The following TPRG1 variants were observed in gnomAD, a reference collection of about 807,000 sequenced individuals.
TPRG1 encodes tumor protein p63 regulated 1.
A neutral mutation model predicts 29.3 loss-of-function variants in TPRG1; 29 were observed. The ratio of observed to expected loss-of-function variants is 0.99; its 90% CI spans 0.74 to 1.35. TPRG1 has a LOEUF of 1.35. TPRG1 is among the 40% of genes most tolerant of loss of function. The pLI is 0.00. For synonymous variants in TPRG1, 130 were observed against 116.8 expected (o/e 1.11, Z -0.73); for missense variants, 327 against 335.0 (o/e 0.98, Z 0.19).
chr3:189,318,084 G>T (rs1307432763), intron 5 of TPRG1, among the ~76,000 whole-genome samples: 1 of 152,174 alleles, frequency 6.6e-6, no homozygotes, highest in African/African-American at 2.4e-5. Flanking sequence ...GTGATTTCAA[G>T]TACTGGGTAT....
rs114362584 is a variant in TPRG1 at position 189,219,833 on chromosome 3, T to C, written c.302+4450T>C. Reference sequence around the variant, plus strand: ...GTATTTAAAAACCGGTAATTCTTGTTCTTCATCTTTATAAAAGATACTTAA... The same window carrying C: ...GTATTTAAAAACCGGTAATTCTTGTCCTTCATCTTTATAAAAGATACTTAA... On this transcript the variant is annotated intron_variant, in intron 3 of 5. Coordinates refer to ENST00000345063, the MANE Select transcript of TPRG1 (RefSeq NM_198485.4). 3.4e-6 allele frequency: 3 copies of C among 873,924 alleles called. No individual in the cohort carries two copies. In the African/African-American group the frequency reaches 5.5e-5, roughly 16 times the overall value. 54.1% of individuals were successfully genotyped at this position (873,924 alleles called of 1,614,324 possible). A position where few individuals can be genotyped will look rare whatever the true frequency, so the allele number is the denominator to read the frequency against.
chr3:189,258,281 G>A (rs1332269335), intron 4 of TPRG1, among the ~76,000 whole-genome samples: 1 of 151,860 alleles, frequency 6.6e-6, no homozygotes, highest in Non-Finnish European at 1.5e-5. Context: ...GTCTCCTGGA[G>A]TTTGCTGGGG....
intron 3 of TPRG1, among the ~76,000 whole-genome samples, chr3:189,023,419 G>T (rs1365280500): frequency 6.6e-6 from 1 of 152,176 alleles, no homozygotes; most frequent in Non-Finnish European, 1.5e-5. Context: ...ATGATTCTTA[G>T]CTTCTTCGCA....
At chr3:189,225,878 T>C (rs1304399460) in intron 3 of TPRG1, among the ~76,000 whole-genome samples, 1 of 151,628 alleles carries the variant, frequency 6.6e-6, no homozygotes, top group Non-Finnish European at 1.5e-5. Context: ...AAATGTAGAG[T>C]GCTAAGTAAA....
At chr3:189,024,676 G>A (rs2152126628) in intron 4 of TPRG1, among the ~76,000 whole-genome samples, 1 of 152,322 alleles carries the variant, frequency 6.6e-6, no homozygotes, top group African/African-American at 2.4e-5. Context: ...TCCCTCCTGG[G>A]CACTCCGTTC....
chr3:189,023,159 C>T (rs1713456985), intron 3 of TPRG1, among the ~76,000 whole-genome samples: 1 of 152,244 alleles, frequency 6.6e-6, no homozygotes, highest in Admixed American at 6.5e-5. Flanking sequence ...CCCGGTACCT[C>T]AGATGGAAAT....
chr3:189,238,285 C>T (rs767446922), intron 3 of TPRG1, among the ~76,000 whole-genome samples: 18 of 152,192 alleles, frequency 1.2e-4, no homozygotes, highest in Non-Finnish European at 1.5e-5. Flanking sequence ...AGCAGTGCAA[C>T]CTTCGGAAAT....
In TPRG1 at chr3:189,074,471, T is replaced by C. The variant is rs898353533; in HGVS notation, c.-463+50525T>C. 3.9e-5 allele frequency among the ~76,000 whole-genome samples: 6 copies of C among 152,204 alleles called. No homozygotes were observed. The South Asian group carries it at 1.2e-3, about 32-fold the overall frequency. On this transcript the variant is annotated intron_variant, in intron 4 of 10. Coordinates refer to the TPRG1 transcript ENST00000433971. The stretch of plus-strand genomic sequence containing the variant: ...CTGCCCGCGTCGGCCTCCCAAGTGC[T>C]GGGATTACAGGTGTGAGCCACCGCG...
At chr3:189,155,576 C>T (rs1477520406) in intron 5 of TPRG1, among the ~76,000 whole-genome samples, 1 of 151,936 alleles carries the variant, frequency 6.6e-6, no homozygotes, top group African/African-American at 2.4e-5. Flanking sequence ...ATGGAAGTGT[C>T]AAGGGTCAAG....
intron 4 of TPRG1, among the ~76,000 whole-genome samples, chr3:189,285,806 G>A (rs1576960861): frequency 2.0e-5 from 3 of 152,192 alleles, no homozygotes; most frequent in African/African-American, 7.2e-5. Flanking sequence ...TCCAAAGCCT[G>A]TGATTTTCCC....
Position 189,322,753 on chromosome 3 carries a change from T to C in TPRG1, c.*1933T>C, listed in dbSNP as rs1019171211. On this transcript the variant is annotated 3_prime_UTR_variant, in exon 6 of 6. Coordinates refer to ENST00000345063, the MANE Select transcript of TPRG1 (RefSeq NM_198485.4). The stretch of plus-strand genomic sequence containing the variant: ...GCCCCCTTTGTAACCTAAGCCAGAC[T>C]GTTCCCAAATGACCTTCTAAAGGAC... 1.3e-5 allele frequency: 2 copies of C among 152,270 alleles called. No homozygotes were observed. The highest frequency in any genetic ancestry group is 4.8e-5 in the African/African-American group (2 of 41,440). 9.4% of individuals were successfully genotyped at this position (152,270 alleles called of 1,614,324 possible). A position where few individuals can be genotyped will look rare whatever the true frequency, so the allele number is the denominator to read the frequency against.
chr3:189,122,689 G>A (rs1448296869), intron 1 of TPRG1, among the ~76,000 whole-genome samples: 1 of 152,182 alleles, frequency 6.6e-6, no homozygotes, highest in Non-Finnish European at 1.5e-5. Context: ...AGTTCACAAG[G>A]TTAGGCTTAG....
At chr3:189,287,420 CAG>C (rs2109177473) in intron 4 of TPRG1, among the ~76,000 whole-genome samples, 1 of 146,600 alleles carries the variant, frequency 6.8e-6, no homozygotes, top group East Asian at 2.0e-4. Context: ...TTTTTTGAGA[CAG>C]AGTCTTGCTC....
chr3:189,115,551 C>T (rs1489308953), intron 1 of TPRG1, among the ~76,000 whole-genome samples: 1 of 152,312 alleles, frequency 6.6e-6, no homozygotes, highest in Middle Eastern at 3.4e-3. Flanking sequence ...CTTTATAATG[C>T]AGACTTTTAA....
intron 4 of TPRG1, among the ~76,000 whole-genome samples, chr3:189,293,844 T>A (rs1719423951): frequency 6.6e-6 from 1 of 152,190 alleles, no homozygotes; most frequent in Non-Finnish European, 1.5e-5. Context: ...GTCTGTCAAG[T>A]TCCGACCATT....
chr3:189,192,910 C>G (rs560401503), intron 1 of TPRG1, among the ~76,000 whole-genome samples: 1 of 152,152 alleles, frequency 6.6e-6, no homozygotes, highest in African/African-American at 2.4e-5. Context: ...CTGGGAAATA[C>G]TTTATTTTCA....
chr3:189,022,305 A>G (rs1100319), intron 3 of TPRG1, among the ~76,000 whole-genome samples: 140,706 of 142,114 alleles, frequency 0.99, 69,658 homozygotes, highest in East Asian at 1. Context: ...GAGGAGAGGC[A>G]CTCTGCTTTT....
upstream of TPRG1, chr3:189,100,085 A>G (rs1719003882): frequency 6.6e-6 from 1 of 152,354 alleles, no homozygotes; most frequent in Admixed American, 6.5e-5. Flanking sequence ...CAAATAAAAA[A>G]CAAGATCCAG....
chr3:189,013,582 TTC>T (rs1295396190), intron 3 of TPRG1, among the ~76,000 whole-genome samples: 1 of 152,182 alleles, frequency 6.6e-6, no homozygotes, highest in African/African-American at 2.4e-5. Context: ...CCCTGTTATT[TTC>T]TGTCTTGATG....
Sources: gnomAD v4.1 joint callset for allele counts (sites outside exome capture counted in the v4.1 genomes callset) on GRCh38, gnomAD v4.1.1 for gene constraint, MANE v1.5 for transcripts, NCBI Gene and HGNC (gene_info 2026-07-23, HGNC 2026-07-21) for gene names.